PKD1L1: variants seen among roughly 807,000 people sequenced by gnomAD.
The protein encoded by PKD1L1 is polycystin 1 like 1, transient receptor potential channel interacting, also known as polycystin-1-like protein 1.
Under a neutral mutation model 323.4 loss-of-function variants are expected in PKD1L1, and 236 were observed. The observed-to-expected ratio is 0.73, with a 90% CI of 0.66 to 0.81. The LOEUF (loss-of-function observed/expected upper bound fraction) is 0.81. PKD1L1 is among the 40% of genes least tolerant of loss of function. PKD1L1 has a pLI of 0.00. For synonymous variants in PKD1L1, 1,344 were observed against 1,335.0 expected (o/e 1.01, Z -0.15); for missense variants, 3,320 against 3,508.0 (o/e 0.95, Z 1.35).
intron 4 of PKD1L1, among the ~76,000 whole-genome samples, chr7:47,934,199 T>C (rs1368855060): frequency 3.3e-5 from 5 of 152,232 alleles, no homozygotes; most frequent in Non-Finnish European, 7.3e-5. Context: ...TAATGGGAAA[T>C]ACTACGGAAA....
chr7:47,821,035 G>T, intron 46 of PKD1L1, 41 bp downstream of exon 46: 1 of 1,239,980 alleles, frequency 8.1e-7, no homozygotes, highest in Non-Finnish European at 1.2e-6. Flanking sequence ...ATGGAATAGT[G>T]CAATGGCCCC....
At chr7:47,777,337 C>T (rs562559756) in intron 56 of PKD1L1, among the ~76,000 whole-genome samples, 3 of 152,222 alleles carry the variant, frequency 2.0e-5, no homozygotes, top group African/African-American at 4.8e-5. Flanking sequence ...ATGATAAGAC[C>T]GAAGGAGATG....
At chr7:47,913,215 C>T (rs1431267667) in intron 8 of PKD1L1, among the ~76,000 whole-genome samples, 2 of 152,054 alleles carry the variant, frequency 1.3e-5, no homozygotes, top group African/African-American at 4.8e-5. Context: ...AATATGGGAA[C>T]TTAGAGGAAG....
In PKD1L1 at chr7:47,835,009, G is replaced by A. The variant is rs1785426799; in HGVS notation, c.6085C>T (p.His2029Tyr). The A allele has an allele frequency of 6.2e-7, 1 of 1,613,982 alleles. No homozygotes were observed. Among genetic ancestry groups the A allele is most frequent in the African/African-American group, 1.3e-5 (1 of 75,058 alleles). Residue 2029 changes from histidine (H) to tyrosine (Y), a missense_variant, in exon 39 of 57, where the codon CAC (histidine) becomes TAC (tyrosine). By Grantham distance (83) the His-to-Tyr change is moderately conservative. Coordinates refer to ENST00000289672, the MANE Select transcript of PKD1L1 (RefSeq NM_138295.5). ...EAPGSARVEP[H>Y]SPLRGGAQTE... ...TGTGCTCCTCCTCTAAGTGGGCTGT[G>A]TGGCTCCACTCGGGCAGACCCCGGG...
chr7:47,827,475 G>C lies in PKD1L1; in HGVS notation c.6736-7C>G, dbSNP rs774519633. ...GTTGTCGGGCAGCCAAGACCTGTCA[G>C]GGACAAGAGTGCTGTGAGCTGCGGG... On this transcript the variant is annotated splice_region_variant and splice_polypyrimidine_tract_variant and intron_variant, in intron 44 of 56. Coordinates refer to ENST00000289672, the MANE Select transcript of PKD1L1 (RefSeq NM_138295.5). The C allele has an allele frequency of 9.0e-5, 145 of 1,603,890 alleles. 1 individual carries two copies. Among genetic ancestry groups the C allele is most frequent in the Non-Finnish European group, 1.0e-4 (118 of 1,176,924 alleles).
At chr7:47,783,100 T>C (rs1786732052) in intron 56 of PKD1L1, among the ~76,000 whole-genome samples, 1 of 152,178 alleles carries the variant, frequency 6.6e-6, no homozygotes. Context: ...TTCTGTAACT[T>C]AGAAAGCCAT....
chr7:47,928,793 CA>C (rs1787702708), intron 7 of PKD1L1, among the ~76,000 whole-genome samples: 1 of 152,032 alleles, frequency 6.6e-6, no homozygotes, highest in African/African-American at 2.4e-5. Context: ...CAAAAGAATT[CA>C]TATAGAACAT....
intron 46 of PKD1L1, among the ~76,000 whole-genome samples, chr7:47,817,476 TA>T (rs1389385874): frequency 1.3e-5 from 2 of 152,092 alleles, no homozygotes; most frequent in South Asian, 4.1e-4. Context: ...TGGACAATAT[TA>T]AAAAAATCAA....
intron 34 of PKD1L1, among the ~76,000 whole-genome samples, chr7:47,841,211 T>A (rs555140525): frequency 3.7e-4 from 56 of 152,358 alleles, no homozygotes; most frequent in Admixed American, 9.8e-4. Context: ...TTTGTGTGTA[T>A]GATGTAAAGA....
At position 47,936,922 on chromosome 7, in the gene PKD1L1, C is replaced by T. The variant is rs746947816; in HGVS notation, c.322G>A (p.Val108Ile). The change falls in exon 4 of 57, where the codon GTT (valine) becomes ATT (isoleucine). Residue 108 changes from valine (V) to isoleucine (I), a missense_variant. Val to Ile is a conservative substitution (Grantham distance 29). Coordinates refer to ENST00000289672, the MANE Select transcript of PKD1L1 (RefSeq NM_138295.5). ...WKTTSEAALS[V>I]VNEKTQAVVN... ...ACAGCCTGTGTTTTTTCATTAACAACACTTAACGCTGCTTCACTAGTTGTT... is the reference window on the plus strand; with the variant it reads ...ACAGCCTGTGTTTTTTCATTAACAATACTTAACGCTGCTTCACTAGTTGTT... 144 of 1,613,258 alleles carry T rather than the reference C, an allele frequency of 8.9e-5. 2 individuals are homozygous for T. In the South Asian group the frequency reaches 1.3e-3, roughly 15 times the overall value.
At chr7:47,857,514 G>A (rs1240804542) in intron 28 of PKD1L1, 91 bp downstream of exon 28, 1 of 1,111,172 alleles carries the variant, frequency 9.0e-7, no homozygotes, top group Non-Finnish European at 1.3e-6. Context: ...GTGCAAATAT[G>A]CCAACCTAGT....
chr7:47,886,804 C>T (rs1786695835), intron 17 of PKD1L1, among the ~76,000 whole-genome samples: 1 of 152,046 alleles, frequency 6.6e-6, no homozygotes, highest in South Asian at 2.1e-4. Context: ...TTATAAATTA[C>T]CCAGCCTCAG....
At chr7:47,852,474 T>C (rs535677610) in intron 31 of PKD1L1, among the ~76,000 whole-genome samples, 2 of 152,286 alleles carry the variant, frequency 1.3e-5, no homozygotes, top group Non-Finnish European at 2.9e-5. Context: ...GCGCACTCAC[T>C]GACAGTCAGA....
chr7:47,831,298 G>C lies in PKD1L1; in HGVS notation c.6392C>G (p.Pro2131Arg). Residue 2131 changes from proline (P) to arginine (R), a missense_variant, in exon 42 of 57, where the codon CCT becomes CGT. Pro to Arg is a moderately radical substitution (Grantham distance 103). Coordinates refer to ENST00000289672, the MANE Select transcript of PKD1L1 (RefSeq NM_138295.5). ...LMPQWSRALQPWWSSAVWAIC... is the reference protein window; with the variant it reads ...LMPQWSRALQRWWSSAVWAIC... ...GGCCCACACTGCAGAGCTCCACCAA[G>C]GCTGAAGGGCCCTTGACCACTGGGG... 6.2e-7 allele frequency: 1 copy of C among 1,614,126 alleles called. No individual in the cohort carries two copies. Among genetic ancestry groups the C allele is most frequent in the Non-Finnish European group, 8.5e-7 (1 of 1,180,002 alleles).
intron 50 of PKD1L1, 133 bp from the exon 51 acceptor site, chr7:47,809,710 G>A (rs1784854534): frequency 1.6e-6 from 1 of 621,992 alleles, no homozygotes; most frequent in East Asian, 3.0e-5. Context: ...TTCCTGTTCT[G>A]CAGAGGTTTA....
intron 1 of PKD1L1, among the ~76,000 whole-genome samples, chr7:47,947,027 G>A (rs1278445323): frequency 6.6e-6 from 1 of 152,188 alleles, no homozygotes; most frequent in African/African-American, 2.4e-5. Context: ...TCAAGGCTCT[G>A]GGAGTCTGCA....
At chr7:47,821,409 C>T (rs1226234960) in intron 45 of PKD1L1, among the ~76,000 whole-genome samples, 3 of 151,968 alleles carry the variant, frequency 2.0e-5, no homozygotes, top group Non-Finnish European at 4.4e-5. Context: ...GCTGGGACTA[C>T]AGGCACGTGC....
At chr7:47,845,144 C>T in intron 32 of PKD1L1, 66 bp from the exon 33 acceptor site, 2 of 1,307,478 alleles carry the variant, frequency 1.5e-6, no homozygotes, top group East Asian at 2.4e-5. Flanking sequence ...AGTGTAATGG[C>T]ATGTTGGTTA....
chr7:47,937,308 G>C (rs1030118253), intron 3 of PKD1L1, among the ~76,000 whole-genome samples: 10 of 151,184 alleles, frequency 6.6e-5, no homozygotes, highest in Non-Finnish European at 1.5e-4. Context: ...AGAGAAGGCC[G>C]CTGTGTGTGA....
Sources: allele counts gnomAD v4.1 joint callset (sites outside exome capture counted in the v4.1 genomes callset), GRCh38; gene constraint gnomAD v4.1.1; transcripts MANE v1.5; gene names NCBI Gene and HGNC (gene_info 2026-07-23, HGNC 2026-07-21).